ZNF624: variants seen among roughly 807,000 people sequenced by gnomAD.
ZNF624 encodes zinc finger protein 624.
In ZNF624, 43 loss-of-function variants were observed where a neutral mutation model predicts 74.7. The ratio of observed to expected loss-of-function variants is 0.58; its 90% CI spans 0.45 to 0.74. ZNF624 has a LOEUF of 0.74. Among genes scored for constraint, ZNF624 ranks in the 30% least tolerant of loss-of-function variants. The pLI is 0.00. For synonymous variants in ZNF624, 331 were observed against 341.3 expected (o/e 0.97, Z 0.33); for missense variants, 820 against 1,030.0 (o/e 0.80, Z 2.79).
downstream of ZNF624, among the ~76,000 whole-genome samples, chr17:16,618,767 A>G (rs1908841190): frequency 7.1e-6 from 1 of 140,960 alleles, no homozygotes; most frequent in Non-Finnish European, 1.5e-5. Context: ...TGAATAGTAA[A>G]TATATTTTCT....
Position 16,634,691 on chromosome 17 carries a change from AG to A in ZNF624, c.218del (p.Pro73LeufsTer10), listed in dbSNP as rs760365893. Reference protein sequence around the residue: ...FTLEEWRLMDPTQRNLHKDVM... With the variant: ...FTLEEWRLMDXTQRNLHKDVM... The stretch of plus-strand genomic sequence containing the variant: ...CATCCTTGTGCAGGTTCCTCTGTGT[AG>A]GGTCCATCAACCTCCACTCCTCCAA... On this transcript the variant is annotated frameshift_variant, in exon 4 of 6. Transcript: ENST00000311331. LOFTEE classifies it high-confidence loss of function. 6.2e-7 allele frequency: 1 copy of A among 1,613,854 alleles called. No homozygotes were observed. Among genetic ancestry groups the A allele is most frequent in the Non-Finnish European group, 8.5e-7 (1 of 1,179,770 alleles).
rs542274393 is a variant in ZNF624, at chr17:16,653,238, G to C, written c.-3+526C>G. On this transcript the variant is annotated intron_variant, in intron 1 of 5. Transcript: ENST00000311331. ...TTTGAAATGTGACATTTCAGGAAAA[G>C]CTGCCTCGGTTACTGAGTAGCGCAG... Among the ~76,000 whole-genome samples, 7 of 152,362 alleles carry C rather than the reference G, an allele frequency of 4.6e-5. No homozygotes were observed. In the East Asian group the frequency reaches 1.4e-3, roughly 29 times the overall value.
intron 5 of ZNF624, among the ~76,000 whole-genome samples, chr17:16,627,886 T>G (rs1465195787): frequency 3.3e-5 from 5 of 152,114 alleles, no homozygotes; most frequent in East Asian, 3.9e-4. Flanking sequence ...GTGGGAAAGA[T>G]TACATAATCT....
downstream of ZNF624, chr17:16,617,116 C>T (rs1447067830): frequency 2.5e-6 from 4 of 1,612,950 alleles, no homozygotes; most frequent in African/African-American, 4.0e-5. Context: ...TGAATGGGAG[C>T]CCCGATCAGA....
downstream of ZNF624, chr17:16,617,528 TAGAA>T: frequency 3.2e-6 from 5 of 1,582,754 alleles, no homozygotes; most frequent in South Asian, 4.4e-5. Flanking sequence ...CTGCACAGAC[TAGAA>T]AGATTTTCTA....
Position 16,624,022 on chromosome 17 carries a change from T to A in ZNF624, c.864A>T (p.Arg288Ser), listed in dbSNP as rs1908998825. 2 of 1,613,662 alleles carry A rather than the reference T, an allele frequency of 1.2e-6. No homozygotes were observed. The highest frequency in any genetic ancestry group is 4.5e-5 in the East Asian group (2 of 44,870). Residue 288 changes from arginine (R) to serine (S), a missense_variant, in exon 6 of 6, where the codon AGA (arginine) becomes AGT (serine). Coordinates refer to ENST00000311331, the MANE Select transcript of ZNF624 (RefSeq NM_020787.4). ...CSTCEKAFHYRSLLIQHQRTH... is the reference protein window; with the variant it reads ...CSTCEKAFHYSSLLIQHQRTH... The stretch of plus-strand genomic sequence containing the variant: ...TTCTTTGATGTTGAATGAGCAATGA[T>A]CTATAATGAAAGGCCTTTTCGCATG...
At chr17:16,648,472 G>A (rs140334687) in intron 2 of ZNF624, among the ~76,000 whole-genome samples, 1 of 152,194 alleles carries the variant, frequency 6.6e-6, no homozygotes, top group African/African-American at 2.4e-5. Flanking sequence ...ATCTCTGATA[G>A]AGACGGGTTG....
At chr17:16,626,657 C>A (rs972993077) in intron 5 of ZNF624, among the ~76,000 whole-genome samples, 1 of 152,152 alleles carries the variant, frequency 6.6e-6, no homozygotes, top group Non-Finnish European at 1.5e-5. Flanking sequence ...AAGGCTGAAG[C>A]TGGAGGATCC....
At position 16,622,092 on chromosome 17, in the gene ZNF624, C is replaced by T. The variant is rs912147062; in HGVS notation, c.*196G>A. On this transcript the variant is annotated 3_prime_UTR_variant, in exon 6 of 6. Transcript: ENST00000311331. Reference sequence around the variant, plus strand: ...ATCTGGATGAACACTTTCATTTGTTCATTATTTTCCTCTAGTGAGAGTTTC... The same window carrying T: ...ATCTGGATGAACACTTTCATTTGTTTATTATTTTCCTCTAGTGAGAGTTTC... 3.2e-5 allele frequency: 13 copies of T among 400,290 alleles called. No homozygotes were observed. Among genetic ancestry groups the T allele is most frequent in the Non-Finnish European group, 5.7e-5 (13 of 229,368 alleles). The allele number at this position is 400,290 out of a possible 1,614,324, so 24.8% of individuals were successfully genotyped here. A position where few individuals can be genotyped will look rare whatever the true frequency, so the allele number is the denominator to read the frequency against.
At chr17:16,618,934 C>A (rs371820281), downstream of ZNF624, among the ~76,000 whole-genome samples, 177 of 152,292 alleles carry the variant, frequency 1.2e-3, no homozygotes, top group African/African-American at 4.2e-3. Flanking sequence ...AAAAGTTATA[C>A]AATGATTCTT....
chr17:16,640,614 G>A (rs1909444502), intron 3 of ZNF624, among the ~76,000 whole-genome samples: 1 of 152,032 alleles, frequency 6.6e-6, no homozygotes, highest in South Asian at 2.1e-4. Context: ...GATTATAAAG[G>A]AACACTATGA....
rs924076182 is a variant in ZNF624 at position 16,623,851 on chromosome 17, T to A, written c.1035A>T (p.Ser345=). The stretch of plus-strand genomic sequence containing the variant: ...GAATTCTCTGATGTACCATAAGTGA[T>A]GAAGAAGCAATGAAGGCCTTTCCAC... ...NECGKAFIAS[S]SLMVHQRIHT... The change falls in exon 6 of 6, where the codon TCA becomes TCT. Residue 345 remains serine (S), a synonymous_variant. Coordinates refer to ENST00000311331, the MANE Select transcript of ZNF624 (RefSeq NM_020787.4). The surrounding 1 kb of genome is among the most constrained non-coding windows in gnomAD (Gnocchi z 5.3). The A allele has an allele frequency of 6.2e-7, 1 of 1,613,918 alleles. No individual in the cohort carries two copies.
downstream of ZNF624, among the ~76,000 whole-genome samples, chr17:16,620,111 C>G (rs894903041): frequency 6.6e-6 from 1 of 152,166 alleles, no homozygotes; most frequent in Non-Finnish European, 1.5e-5. Context: ...TACATATTTA[C>G]CCTGGCATCG....
rs1349901683 is a variant in ZNF624 at position 16,623,213 on chromosome 17, C to A, written c.1673G>T (p.Cys558Phe). ...RMHTGEKPYK[C>F]TECGKAFMRS... ...CATGAAGGCCTTTCCACATTCAGTA[C>A]ATTTATAAGGTTTCTCTCCTGTATG... The change falls in exon 6 of 6, where the codon TGT becomes TTT. Residue 558 changes from cysteine (C) to phenylalanine (F), a missense_variant. Transcript: ENST00000311331. This position sits in a 1 kb window ranked among gnomAD's most constrained non-coding sequence, Gnocchi z 5.3. 6.2e-7 allele frequency: 1 copy of A among 1,613,862 alleles called. No individual in the cohort carries two copies.
At chr17:16,651,074 C>T (rs1440585744) in intron 1 of ZNF624, among the ~76,000 whole-genome samples, 1 of 152,022 alleles carries the variant, frequency 6.6e-6, no homozygotes, top group African/African-American at 2.4e-5. Context: ...GAAACATATA[C>T]TGTCAGATTA....
chr17:16,615,964 T>C (rs1466433777), downstream of ZNF624, among the ~76,000 whole-genome samples: 115 of 58,462 alleles, frequency 2.0e-3, no homozygotes, highest in African/African-American at 8.9e-3. Flanking sequence ...TACATATATA[T>C]ATATATATAT....
intron 3 of ZNF624, among the ~76,000 whole-genome samples, chr17:16,639,929 T>C (rs970901754): frequency 6.6e-6 from 1 of 152,090 alleles, no homozygotes; most frequent in Non-Finnish European, 1.5e-5. Flanking sequence ...CATGGACCCA[T>C]ACACAGTAAA....
rs768008753 is a variant in ZNF624 at position 16,622,346 on chromosome 17, C to T, written c.2540G>A (p.Ser847Asn). 1.9e-6 allele frequency: 3 copies of T among 1,611,698 alleles called. No homozygotes were observed. The highest frequency in any genetic ancestry group is 2.5e-6 in the Non-Finnish European group (3 of 1,179,062). ...KCNECGKAFRSSSSLTVHQRI... is the reference protein window; with the variant it reads ...KCNECGKAFRNSSSLTVHQRI... ...TTGATGTACAGTAAGGCTCGAACTA[C>T]TCCTGAAGGCTTTTCCACATTCATT... Residue 847 changes from serine (S) to asparagine (N), a missense_variant, in exon 6 of 6, where the codon AGT (serine) becomes AAT (asparagine). Physicochemically the swap from Ser to Asn is conservative, Grantham distance 46 (BLOSUM62 1). Transcript: ENST00000311331.
At position 16,622,015 on chromosome 17, in the gene ZNF624, A is replaced by G. The variant is rs1908926127; in HGVS notation, c.*273T>C. On this transcript the variant is annotated 3_prime_UTR_variant, in exon 6 of 6. Transcript: ENST00000311331. ...TAAATGAATAGAAAAATAGGCAAAT[A>G]CATATATAGGCAATTAACTAAAGAT... is the stretch of plus-strand genomic sequence containing the variant. The G allele has an allele frequency of 4.3e-6, 1 of 231,990 alleles. No homozygotes were observed. The highest frequency in any genetic ancestry group is 2.3e-5 in the African/African-American group (1 of 44,400). The allele number at this position is 231,990 out of a possible 1,614,324, so 14.4% of individuals were successfully genotyped here.
Sources: gnomAD v4.1 joint callset for allele counts (sites outside exome capture counted in the v4.1 genomes callset) on GRCh38, gnomAD v4.1.1 for gene constraint, Gnocchi (gnomAD v3.1) non-coding constraint, MANE v1.5 for transcripts, NCBI Gene and HGNC (gene_info 2026-07-23, HGNC 2026-07-21) for gene names.